Variants in JAKMIP2 observed in about 807,000 individuals in gnomAD.
JAKMIP2 encodes janus kinase and microtubule interacting protein 2, also known as janus kinase and microtubule-interacting protein 2.
Under a neutral mutation model 115.0 loss-of-function variants are expected in JAKMIP2, and 25 were observed. The observed-to-expected ratio is 0.22, with a 90% CI of 0.16 to 0.30. The LOEUF (loss-of-function observed/expected upper bound fraction) is 0.30, where lower values mean the gene tolerates loss of function less well. Ranked by LOEUF, JAKMIP2 falls within the 10% of genes least tolerant of loss-of-function variation. The pLI is 1.00. For synonymous variants in JAKMIP2, 334 were observed against 343.6 expected (o/e 0.97, Z 0.31); for missense variants, 642 against 957.6 (o/e 0.67, Z 4.35).
At chr5:147,743,001 A>G (rs1270237073) in intron 1 of JAKMIP2, among the ~76,000 whole-genome samples, 1 of 152,216 alleles carries the variant, frequency 6.6e-6, no homozygotes, top group African/African-American at 2.4e-5. Flanking sequence ...CTAATCTGCA[A>G]TGTTAGGCTT....
intron 1 of JAKMIP2, among the ~76,000 whole-genome samples, chr5:147,682,981 A>G (rs1396799980): frequency 1.3e-5 from 2 of 152,154 alleles, no homozygotes; most frequent in Non-Finnish European, 2.9e-5. Flanking sequence ...TAAGTCTTTA[A>G]GTGTCATATA....
chr5:147,761,983 T>C (rs1754944296), intron 1 of JAKMIP2, among the ~76,000 whole-genome samples: 1 of 152,046 alleles, frequency 6.6e-6, no homozygotes, highest in Non-Finnish European at 1.5e-5. Context: ...AATACATATG[T>C]CTTATGAATA....
At chr5:147,615,686 A>T (rs1756534547) in intron 19 of JAKMIP2, among the ~76,000 whole-genome samples, 1 of 152,182 alleles carries the variant, frequency 6.6e-6, no homozygotes, top group Non-Finnish European at 1.5e-5. Flanking sequence ...AATGCTATTT[A>T]TTATGATATA....
chr5:147,730,316 T>G (rs1398821472), intron 1 of JAKMIP2, among the ~76,000 whole-genome samples: 5 of 152,174 alleles, frequency 3.3e-5, no homozygotes, highest in Non-Finnish European at 7.3e-5. Context: ...CTTGTAAAAT[T>G]CAGGTTTAGC....
Position 147,589,696 on chromosome 5 carries a change from T to C in JAKMIP2, c.*2011A>G, listed in dbSNP as rs1460034493. On this transcript the variant is annotated 3_prime_UTR_variant, in exon 22 of 22. Transcript: ENST00000616793. ...AGAAATGACACACTCTTCTATCTTG[T>C]TCAATAGCATGAGATGATCTATTTC... The C allele has an allele frequency of 6.6e-6, 1 of 152,182 alleles. No homozygotes were observed. Among genetic ancestry groups the C allele is most frequent in the Non-Finnish European group, 1.5e-5 (1 of 68,042 alleles). The allele number at this position is 152,182 out of a possible 1,614,324, so 9.4% of individuals were successfully genotyped here. A position where few individuals can be genotyped will look rare whatever the true frequency, so the allele number is the denominator to read the frequency against.
chr5:147,593,857 T>G (rs1387911681), intron 21 of JAKMIP2, among the ~76,000 whole-genome samples: 1 of 152,194 alleles, frequency 6.6e-6, no homozygotes, highest in Non-Finnish European at 1.5e-5. Flanking sequence ...TTGATCTGAA[T>G]GTATATAAAA....
In JAKMIP2 at chr5:147,629,568, A is replaced by C. The variant is rs373576095; in HGVS notation, c.1929+125T>G. ...TTTGATAAATTGTATATTCTTCCCA[A>C]GGAGCAACATCCTTAAGTGAAATGG... On this transcript the variant is annotated intron_variant, in intron 15 of 21. Transcript: ENST00000616793. 103 of 633,694 alleles carry C rather than the reference A, an allele frequency of 1.6e-4. No individual in the cohort carries two copies. The African/African-American group carries it at 1.7e-3, about 11-fold the overall frequency. 39.3% of individuals were successfully genotyped at this position (633,694 alleles called of 1,614,324 possible).
At chr5:147,746,050 C>A (rs1300525129) in intron 1 of JAKMIP2, among the ~76,000 whole-genome samples, 1 of 152,102 alleles carries the variant, frequency 6.6e-6, no homozygotes, top group Non-Finnish European at 1.5e-5. Flanking sequence ...TTCCAGACAA[C>A]TGAATTCTGG....
intron 1 of JAKMIP2, among the ~76,000 whole-genome samples, chr5:147,774,052 T>G (rs998078342): frequency 1.3e-5 from 2 of 152,198 alleles, no homozygotes; most frequent in Non-Finnish European, 2.9e-5. Flanking sequence ...TGAAGTCCTT[T>G]AAAAAGAAGT....
chr5:147,738,797 G>T (rs367763790), intron 1 of JAKMIP2, among the ~76,000 whole-genome samples: 66 of 152,210 alleles, frequency 4.3e-4, no homozygotes, highest in African/African-American at 1.5e-3. Context: ...AGTGATAAAG[G>T]TGGCAGCTAC....
At chr5:147,750,594 A>ACACACACAC (rs1561575467) in intron 1 of JAKMIP2, among the ~76,000 whole-genome samples, 4 of 151,314 alleles carry the variant, frequency 2.6e-5, no homozygotes, top group African/African-American at 7.3e-5. Flanking sequence ...ACACACACAC[A>ACACACACAC]AAAGAAACCT....
At chr5:147,679,624 C>T (rs1760154961) in intron 1 of JAKMIP2, among the ~76,000 whole-genome samples, 1 of 152,178 alleles carries the variant, frequency 6.6e-6, no homozygotes, top group Non-Finnish European at 1.5e-5. Flanking sequence ...TACTCTGTGC[C>T]AGGCAATGGC....
intron 1 of JAKMIP2, among the ~76,000 whole-genome samples, chr5:147,694,548 G>A (rs929729553): frequency 6.6e-6 from 1 of 152,180 alleles, no homozygotes; most frequent in African/African-American, 2.4e-5. Flanking sequence ...CAAAGCTGCT[G>A]TTTGGCATTC....
intron 21 of JAKMIP2, among the ~76,000 whole-genome samples, chr5:147,593,226 C>T (rs1755185707): frequency 6.6e-6 from 1 of 152,198 alleles, no homozygotes; most frequent in Admixed American, 6.5e-5. Context: ...GGTTGCACCA[C>T]CAACGAAGGG....
intron 3 of JAKMIP2, among the ~76,000 whole-genome samples, chr5:147,656,741 G>T (rs1438317405): frequency 6.6e-6 from 1 of 152,140 alleles, no homozygotes; most frequent in Non-Finnish European, 1.5e-5. Flanking sequence ...ATGCTAGCTG[G>T]TTATTTTGCA....
intron 1 of JAKMIP2, among the ~76,000 whole-genome samples, chr5:147,730,266 C>G (rs999315599): frequency 6.6e-6 from 1 of 152,246 alleles, no homozygotes. Context: ...CTTTGCCTGG[C>G]CAAACTTTCA....
rs904402614 is a variant in JAKMIP2 at position 147,774,380 on chromosome 5, A to G, written c.-149+8076T>C. 6.6e-5 allele frequency among the ~76,000 whole-genome samples: 10 copies of G among 152,302 alleles called. No individual in the cohort carries two copies. In the East Asian group the frequency reaches 1.9e-3, roughly 29 times the overall value. ...CCTTCTCTCTCTGTTGCCAATGTCA[A>G]TTAGCAGAATTAGCAGCTTGTGAAT... On this transcript the variant is annotated intron_variant, in intron 1 of 21. Transcript: ENST00000616793.
At position 147,636,290 on chromosome 5, in the gene JAKMIP2, T is replaced by G. The variant is rs1581330759; in HGVS notation, c.1615-6A>C. The G allele has an allele frequency of 6.2e-7, 1 of 1,612,828 alleles. No individual in the cohort carries two copies. The highest frequency in any genetic ancestry group is 2.2e-5 in the East Asian group (1 of 44,850). On this transcript the variant is annotated splice_polypyrimidine_tract_variant and splice_region_variant and intron_variant, in intron 11 of 21. Transcript: ENST00000616793. ...TCTTCTACCCAGTGTGAATCCTGTT[T>G]GACAAAGAATATCGCGCAGTCAGCA... is the stretch of plus-strand genomic sequence containing the variant.
intron 16 of JAKMIP2, 64 bp downstream of exon 16, chr5:147,628,687 A>T (rs1263508767): frequency 8.3e-7 from 1 of 1,203,886 alleles, no homozygotes; most frequent in African/African-American, 1.5e-5. Flanking sequence ...TTCACACCCT[A>T]GTCTGCTCGT....
Sources: gnomAD v4.1 joint callset for allele counts (sites outside exome capture counted in the v4.1 genomes callset) on GRCh38, gnomAD v4.1.1 for gene constraint, MANE v1.5 for transcripts, NCBI Gene and HGNC (gene_info 2026-07-23, HGNC 2026-07-21) for gene names.